Variants in RCBTB2 observed in about 807,000 individuals in gnomAD.
RCBTB2 encodes RCC1 and BTB domain containing protein 2.
RCBTB2 carries 55 observed loss-of-function variants against 65.4 expected under a neutral mutation model. The observed-to-expected ratio is 0.84, with a 90% CI of 0.68 to 1.05. The LOEUF is 1.05. Among genes scored for constraint, RCBTB2 ranks in the 50% least tolerant of loss-of-function variants. The pLI, the probability that RCBTB2 is intolerant of heterozygous loss-of-function variation, is 0.00. For synonymous variants in RCBTB2, 220 were observed against 255.2 expected, an observed-to-expected ratio of 0.86 and a Z score of 1.31; for missense variants, 599 against 680.1, an observed-to-expected ratio of 0.88 and a Z score of 1.33.
intron 14 of RCBTB2, among the ~76,000 whole-genome samples, chr13:48,494,483 C>T (rs981818233): frequency 6.6e-6 from 1 of 152,120 alleles, no homozygotes; most frequent in Non-Finnish European, 1.5e-5. Context: ...TAGTAGGTAC[C>T]TACTCTGTGT....
chr13:48,490,316 A>C, intron 14 of RCBTB2, 65 bp from the exon 15 acceptor site: 2 of 1,425,618 alleles, frequency 1.4e-6, no homozygotes, highest in Non-Finnish European at 1.9e-6. Context: ...ACATAGCATG[A>C]AAATCGCTAA....
intron 10 of RCBTB2, among the ~76,000 whole-genome samples, chr13:48,505,634 G>A (rs575931497): frequency 6.6e-6 from 1 of 152,354 alleles, no homozygotes; most frequent in East Asian, 1.9e-4. Context: ...ACAAGCAAAT[G>A]TGAGGATAGC....
intron 7 of RCBTB2, 83 bp from the exon 8 acceptor site, chr13:48,512,257 G>A (rs542775363): frequency 1.1e-5 from 13 of 1,221,548 alleles, no homozygotes; most frequent in East Asian, 7.1e-5. Flanking sequence ...TTGTGGCACC[G>A]AGTCTTTCCT....
At chr13:48,493,320 C>CTCTT (rs1490964394) in intron 14 of RCBTB2, among the ~76,000 whole-genome samples, 42 of 120,246 alleles carry the variant, frequency 3.5e-4, no homozygotes, top group Non-Finnish European at 4.9e-4. Flanking sequence ...CACACACTCT[C>CTCTT]TCTCTCTCTC....
chr13:48,504,247 T>C, intron 10 of RCBTB2: 1 of 985,360 alleles, frequency 1.0e-6, no homozygotes, highest in Non-Finnish European at 1.2e-6. Flanking sequence ...AGGTTAATCA[T>C]CCTCTTGGAA....
intron 1 of RCBTB2, among the ~76,000 whole-genome samples, chr13:48,531,174 C>T (rs1029383720): frequency 1.3e-5 from 2 of 152,032 alleles, no homozygotes; most frequent in Non-Finnish European, 2.9e-5. Flanking sequence ...GGATCTTTGT[C>T]TCTTTTGTTC....
At chr13:48,506,953 C>T (rs763333964) in intron 10 of RCBTB2, among the ~76,000 whole-genome samples, 9 of 152,226 alleles carry the variant, frequency 5.9e-5, no homozygotes, top group Admixed American at 1.3e-4. Flanking sequence ...CCAAATAATG[C>T]GGTTCTTATG....
chr13:48,491,575 C>T (rs1490922877), intron 14 of RCBTB2: 4 of 152,188 alleles, frequency 2.6e-5, no homozygotes, highest in African/African-American at 9.7e-5. Context: ...TTGCCTACAG[C>T]ACACAAAAGT....
Position 48,515,615 on chromosome 13 carries a change from C to A in RCBTB2, c.169G>T (p.Glu57Ter). The change falls in exon 5 of 15, where the codon GAA becomes TAA. Residue 57 changes from glutamate (E) to a stop codon, truncating the protein, a stop_gained. Coordinates refer to ENST00000344532, the MANE Select transcript of RCBTB2 (RefSeq NM_001268.4). LOFTEE classifies it high-confidence loss of function. ...TCATTTACTGTAGTGTATAAAACTT[C>A]ATTGCCAGCACTGCCAAAGACACAA... Reference protein sequence around the residue: ...QACVFGSAGNEVLYTTVNDEI... With the variant: ...QACVFGSAGN 1 of 1,611,374 alleles carries A rather than the reference C, an allele frequency of 6.2e-7. No homozygotes were observed. The highest frequency in any genetic ancestry group is 8.5e-7 in the Non-Finnish European group (1 of 1,179,268).
At chr13:48,534,726 TAAG>T (rs960502195), upstream of RCBTB2, among the ~76,000 whole-genome samples, 11 of 152,348 alleles carry the variant, frequency 7.2e-5, no homozygotes, top group African/African-American at 2.6e-4. Flanking sequence ...AAATTAAAAG[TAAG>T]AAGTAAAAAT....
chr13:48,516,262 T>A (rs1593740625), intron 4 of RCBTB2, among the ~76,000 whole-genome samples: 1 of 152,214 alleles, frequency 6.6e-6, no homozygotes, highest in African/African-American at 2.4e-5. Context: ...GTGGGTTTCC[T>A]CATCCCTCAA....
rs1476430641 is a variant in RCBTB2 at position 48,515,564 on chromosome 13, GATTT to G, written c.198+18_198+21del. 1.9e-6 allele frequency: 3 copies of G among 1,572,828 alleles called. No individual in the cohort carries two copies. The highest frequency in any genetic ancestry group is 2.6e-6 in the Non-Finnish European group (3 of 1,160,668). On this transcript the variant is annotated intron_variant, in intron 5 of 14. Transcript: ENST00000344532. ...TCCATTTCTAAAAATGTGAGTAGCT[GATTT>G]ATTTTCTTCAAAATTACCTCATCAT...
At chr13:48,531,114 C>A (rs749014039) in intron 1 of RCBTB2, among the ~76,000 whole-genome samples, 6 of 152,154 alleles carry the variant, frequency 3.9e-5, no homozygotes, top group Non-Finnish European at 7.3e-5. Flanking sequence ...ACCTAATATA[C>A]AAATATGTTT....
At chr13:48,534,729 G>A (rs1952336608), upstream of RCBTB2, among the ~76,000 whole-genome samples, 1 of 152,194 alleles carries the variant, frequency 6.6e-6, no homozygotes, top group African/African-American at 2.4e-5. Context: ...TTAAAAGTAA[G>A]AAGTAAAAAT....
rs1293643764 is a variant in RCBTB2 at position 48,515,610 on chromosome 13, A to T, written c.174T>A (p.Val58=). The T allele has an allele frequency of 6.2e-7, 1 of 1,611,054 alleles. No individual in the cohort carries two copies. The part of the protein sequence containing the change: ...ACVFGSAGNE[V]LYTTVNDEIF... ...CCTCATCATTTACTGTAGTGTATAA[A>T]ACTTCATTGCCAGCACTGCCAAAGA... The change falls in exon 5 of 15, where the codon GTT becomes GTA. Residue 58 remains valine (V), a synonymous_variant. Coordinates refer to ENST00000344532, the MANE Select transcript of RCBTB2 (RefSeq NM_001268.4).
At chr13:48,513,747 A>G (rs927747550) in intron 6 of RCBTB2, among the ~76,000 whole-genome samples, 2 of 152,102 alleles carry the variant, frequency 1.3e-5, no homozygotes, top group African/African-American at 2.4e-5. Flanking sequence ...GCTGTCTTAT[A>G]ATTGGTGTCT....
intron 13 of RCBTB2, among the ~76,000 whole-genome samples, chr13:48,497,806 AG>A (rs1345004307): frequency 6.6e-6 from 1 of 152,268 alleles, no homozygotes; most frequent in Non-Finnish European, 1.5e-5. Flanking sequence ...GAGGAAAGAC[AG>A]ATAGCCCACT....
chr13:48,517,248 T>G (rs115238924), intron 4 of RCBTB2, among the ~76,000 whole-genome samples: 5 of 152,194 alleles, frequency 3.3e-5, no homozygotes, highest in Non-Finnish European at 7.3e-5. Flanking sequence ...TTCACCACCA[T>G]GTCATCCATC....
In RCBTB2 at chr13:48,516,550, T is replaced by A. The variant is rs73479252; in HGVS notation, c.43-809A>T. 3.0e-3 allele frequency among the ~76,000 whole-genome samples: 460 copies of A among 152,286 alleles called. 1 individual carries two copies. Among genetic ancestry groups the A allele is most frequent in the African/African-American group, 0.01 (434 of 41,556 alleles). On this transcript the variant is annotated intron_variant, in intron 4 of 14. Coordinates refer to ENST00000344532, the MANE Select transcript of RCBTB2 (RefSeq NM_001268.4). ...ATCATCTCCCCCCATGCCCTGCATA[T>A]CTCTGCATCTAAATTTCCCCTTTTT...
Sources: allele counts gnomAD v4.1 joint callset (sites outside exome capture counted in the v4.1 genomes callset), GRCh38; gene constraint gnomAD v4.1.1; transcripts MANE v1.5; gene names NCBI Gene and HGNC (gene_info 2026-07-23, HGNC 2026-07-21).